GADL1: variants seen among roughly 807,000 people sequenced by gnomAD.
GADL1 encodes the protein acidic amino acid decarboxylase GADL1.
Under a neutral mutation model 69.5 loss-of-function variants are expected in GADL1, and 71 were observed. The observed-to-expected ratio is 1.02, with a 90% CI of 0.84 to 1.25. The LOEUF is 1.25. Ranked by LOEUF, GADL1 falls within the 50% of genes most tolerant of loss-of-function variation. GADL1 has a pLI of 0.00. For synonymous variants in GADL1, 254 were observed against 214.4 expected (o/e 1.18, Z -1.62); for missense variants, 737 against 631.8 (o/e 1.17, Z -1.79).
intron 11 of GADL1, among the ~76,000 whole-genome samples, chr3:30,808,091 T>C (rs1209481558): frequency 6.6e-6 from 1 of 151,760 alleles, no homozygotes; most frequent in East Asian, 1.9e-4. Flanking sequence ...ATGTAAAAGG[T>C]CAGTGTATTA....
chr3:30,780,890 A>G (rs1327322299), intron 13 of GADL1, among the ~76,000 whole-genome samples: 1 of 152,136 alleles, frequency 6.6e-6, no homozygotes, highest in African/African-American at 2.4e-5. Flanking sequence ...AAGTCTTTGA[A>G]TTTTTGCAAA....
intron 14 of GADL1, among the ~76,000 whole-genome samples, chr3:30,765,354 A>G (rs1261266972): frequency 1.3e-5 from 2 of 152,244 alleles, no homozygotes; most frequent in Non-Finnish European, 2.9e-5. Context: ...CTGTAAAACT[A>G]CAGGTGGGAT....
chr3:30,782,576 A>G (rs1486608705), intron 13 of GADL1, among the ~76,000 whole-genome samples: 1 of 152,124 alleles, frequency 6.6e-6, no homozygotes, highest in Non-Finnish European at 1.5e-5. Flanking sequence ...TTCAGGAAAT[A>G]TTCATATACA....
chr3:30,749,310 T>G (rs965520743), intron 14 of GADL1, among the ~76,000 whole-genome samples: 7 of 152,222 alleles, frequency 4.6e-5, no homozygotes, highest in African/African-American at 1.4e-4. Flanking sequence ...GCCTCAATCA[T>G]AGGCCACTAG....
At chr3:30,799,578 T>A (rs1697118986) in intron 12 of GADL1, 1 of 152,204 alleles carries the variant, frequency 6.6e-6, no homozygotes, top group African/African-American at 2.4e-5. Context: ...TTTTCCCTAT[T>A]GTCTTGAGGA....
intron 13 of GADL1, among the ~76,000 whole-genome samples, chr3:30,782,791 G>A (rs1696694997): frequency 6.6e-6 from 1 of 152,102 alleles, no homozygotes; most frequent in African/African-American, 2.4e-5. Context: ...ATTGGGAAAG[G>A]AAATCAAAGA....
chr3:30,834,252 C>G lies in GADL1; in HGVS notation c.933G>C (p.Ser311=), dbSNP rs533955743. 6.2e-7 allele frequency: 1 copy of G among 1,612,800 alleles called. No homozygotes were observed. The highest frequency in any genetic ancestry group is 8.5e-7 in the Non-Finnish European group (1 of 1,179,180). Residue 311 remains serine (S), a synonymous_variant, in exon 10 of 15, where the codon TCG becomes TCC. Coordinates refer to ENST00000282538, the MANE Select transcript of GADL1 (RefSeq NM_207359.3). ...CATGCAGAAGCTTGCGGTGCTTCCTCGACATCAAAGCTGAGCCACCCCAAG... is the reference window on the plus strand; with the variant it reads ...CATGCAGAAGCTTGCGGTGCTTCCTGGACATCAAAGCTGAGCCACCCCAAG... ...DASWGGSALM[S]RKHRKLLHGI... is the part of the protein sequence containing the mutation.
intron 9 of GADL1, among the ~76,000 whole-genome samples, chr3:30,836,661 T>G (rs1198959144): frequency 6.6e-6 from 1 of 152,062 alleles, no homozygotes; most frequent in African/African-American, 2.4e-5. Context: ...AGAATGGAAT[T>G]GAGATTTGGC....
chr3:30,765,980 G>A (rs1696266526), intron 14 of GADL1, among the ~76,000 whole-genome samples: 1 of 152,136 alleles, frequency 6.6e-6, no homozygotes. Context: ...TATATGAAAA[G>A]GGGTACTCAT....
intron 8 of GADL1, among the ~76,000 whole-genome samples, chr3:30,841,967 G>T (rs760029027): frequency 1.3e-5 from 2 of 152,146 alleles, no homozygotes; most frequent in Non-Finnish European, 2.9e-5. Context: ...CAGAGGAGGT[G>T]AGCACTTAGG....
At chr3:30,783,109 G>C (rs1368447714) in intron 13 of GADL1, among the ~76,000 whole-genome samples, 2 of 152,186 alleles carry the variant, frequency 1.3e-5, no homozygotes, top group African/African-American at 2.4e-5. Flanking sequence ...GATACATTAA[G>C]ACAGGTTTGC....
intron 14 of GADL1, among the ~76,000 whole-genome samples, chr3:30,765,921 T>G (rs1249081204): frequency 1.3e-5 from 2 of 150,530 alleles, no homozygotes; most frequent in African/African-American, 4.9e-5. Context: ...TCCCAAATAT[T>G]GCTTTATTAT....
At chr3:30,751,741 G>A (rs1695824417) in intron 14 of GADL1, among the ~76,000 whole-genome samples, 1 of 152,174 alleles carries the variant, frequency 6.6e-6, no homozygotes, top group South Asian at 2.1e-4. Context: ...AACTGAACTA[G>A]ATTTCTGCTG....
intron 8 of GADL1, among the ~76,000 whole-genome samples, chr3:30,843,251 G>A (rs1697997998): frequency 7.1e-6 from 1 of 140,244 alleles, no homozygotes; most frequent in South Asian, 2.4e-4. Context: ...CCAAAATAAT[G>A]ATACACCTTT....
At chr3:30,741,174 T>C (rs1436353134) in intron 14 of GADL1, among the ~76,000 whole-genome samples, 1 of 131,924 alleles carries the variant, frequency 7.6e-6, no homozygotes, top group Non-Finnish European at 1.6e-5. Context: ...ATAAATATTA[T>C]ATATATTATA....
At chr3:30,813,863 GAACAA>G (rs2125514002) in intron 11 of GADL1, among the ~76,000 whole-genome samples, 1 of 152,296 alleles carries the variant, frequency 6.6e-6, no homozygotes, top group South Asian at 2.1e-4. Context: ...TCTTTGGATA[GAACAA>G]AAGATGTAGT....
intron 14 of GADL1, among the ~76,000 whole-genome samples, chr3:30,741,101 A>ATC (rs1695617340): frequency 1.4e-5 from 1 of 72,778 alleles, no homozygotes; most frequent in African/African-American, 5.7e-5. Flanking sequence ...TATTATATAT[A>ATC]TGTATTCCTA....
chr3:30,886,859 A>G (rs1421352478), intron 1 of GADL1, among the ~76,000 whole-genome samples: 2 of 152,176 alleles, frequency 1.3e-5, no homozygotes. Context: ...GATAGGGTAC[A>G]TTGGAGCTTC....
At chr3:30,869,104 T>C (rs1289098133) in intron 1 of GADL1, among the ~76,000 whole-genome samples, 1 of 151,738 alleles carries the variant, frequency 6.6e-6, no homozygotes, top group African/African-American at 2.4e-5. Flanking sequence ...TCTCAAGTTG[T>C]TAAAAGTCTA....
Sources: allele counts gnomAD v4.1 joint callset (sites outside exome capture counted in the v4.1 genomes callset), GRCh38; gene constraint gnomAD v4.1.1; transcripts MANE v1.5; gene names NCBI Gene and HGNC (gene_info 2026-07-23, HGNC 2026-07-21).